HNF1B: variants seen among roughly 807,000 people sequenced by gnomAD.
The protein encoded by HNF1B is hepatocyte nuclear factor 1-beta.
HNF1B carries 8 observed loss-of-function variants against 61.7 expected under a neutral mutation model. The observed-to-expected ratio is 0.13, with a 90% CI of 0.08 to 0.23. HNF1B has a LOEUF of 0.23. Among genes scored for constraint, HNF1B ranks in the 10% least tolerant of loss-of-function variants. The probability of loss-of-function intolerance (pLI) is 1.00; values close to 1 mark genes in which losing one functional copy is unlikely to be tolerated. For synonymous variants in HNF1B, 314 were observed against 287.7 expected (o/e 1.09, Z -0.93); for missense variants, 562 against 714.5 (o/e 0.79, Z 2.43).
intron 2 of HNF1B, among the ~76,000 whole-genome samples, chr17:37,738,604 T>C (rs2033901959): frequency 6.6e-6 from 1 of 152,248 alleles, no homozygotes; most frequent in Non-Finnish European, 1.5e-5. Context: ...TGTCAAAGAA[T>C]ACTTTCCTAA....
In HNF1B at chr17:37,721,353, T is replaced by A. The variant is rs897572289; in HGVS notation, c.1045+10242A>T. Among the ~76,000 whole-genome samples the A allele has an allele frequency of 7.2e-5, 11 of 152,000 alleles. No homozygotes were observed. In the South Asian group the frequency reaches 8.3e-4, roughly 11 times the overall value. On this transcript the variant is annotated intron_variant, in intron 4 of 8. Transcript: ENST00000617811. ...GAGGGAGAGAAGGAGAGAGAGACAA[T>A]GATGAGTTTCACAATAAAATACCAC...
At chr17:37,719,569 C>T (rs1239431718) in intron 4 of HNF1B, among the ~76,000 whole-genome samples, 2 of 152,198 alleles carry the variant, frequency 1.3e-5, no homozygotes, top group Non-Finnish European at 2.9e-5. Context: ...GTCTGGCTCC[C>T]AGGGTCTGGT....
intron 8 of HNF1B, among the ~76,000 whole-genome samples, chr17:37,692,960 G>A (rs1827827693): frequency 6.6e-6 from 1 of 152,096 alleles, no homozygotes; most frequent in African/African-American, 2.4e-5. Flanking sequence ...GGAGGCAGAG[G>A]CGGGCAGATC....
chr17:37,718,831 A>G (rs1011168732), intron 4 of HNF1B, among the ~76,000 whole-genome samples: 2 of 152,244 alleles, frequency 1.3e-5, no homozygotes, highest in Non-Finnish European at 2.9e-5. Flanking sequence ...TGAATAACCT[A>G]TGCTTAAACT....
intron 2 of HNF1B, among the ~76,000 whole-genome samples, chr17:37,735,370 C>T (rs1202196666): frequency 3.3e-5 from 5 of 152,194 alleles, no homozygotes; most frequent in African/African-American, 7.2e-5. Flanking sequence ...TTTGCTCCAT[C>T]GGGAGGAATG....
At chr17:37,720,109 C>A (rs1435020535) in intron 4 of HNF1B, among the ~76,000 whole-genome samples, 2 of 152,174 alleles carry the variant, frequency 1.3e-5, no homozygotes, top group African/African-American at 4.8e-5. Context: ...CAGGGAGCAC[C>A]ACCAGAGACC....
At chr17:37,712,972 AAC>A (rs758771117) in intron 4 of HNF1B, among the ~76,000 whole-genome samples, 3 of 152,164 alleles carry the variant, frequency 2.0e-5, no homozygotes, top group Non-Finnish European at 4.4e-5. Flanking sequence ...TTCCGTAGAG[AAC>A]AGTTTCCAAA....
At chr17:37,714,698 A>G (rs2033046821) in intron 4 of HNF1B, among the ~76,000 whole-genome samples, 1 of 152,226 alleles carries the variant, frequency 6.6e-6, no homozygotes, top group African/African-American at 2.4e-5. Context: ...TCCTGGATAC[A>G]GACGCAGATC....
At chr17:37,709,060 G>A (rs2032846794) in intron 5 of HNF1B, among the ~76,000 whole-genome samples, 1 of 152,116 alleles carries the variant, frequency 6.6e-6, no homozygotes, top group Admixed American at 6.6e-5. Flanking sequence ...CAGCATGAAA[G>A]TCGGGAATCT....
chr17:37,711,578 G>A (rs2032936693), intron 4 of HNF1B, among the ~76,000 whole-genome samples: 1 of 152,224 alleles, frequency 6.6e-6, no homozygotes, highest in African/African-American at 2.4e-5. Flanking sequence ...GAACGCCTGG[G>A]TCCAGTTTGC....
chr17:37,741,092 A>G (rs78053507), intron 1 of HNF1B, among the ~76,000 whole-genome samples: 2,513 of 152,318 alleles, frequency 0.016, 45 homozygotes, highest in South Asian at 0.082. Context: ...TAGAACAAGA[A>G]AAAAAACGGA....
In HNF1B at chr17:37,744,961, C is replaced by T; in HGVS notation, c.-77G>A. On this transcript the variant is annotated 5_prime_UTR_variant, in exon 1 of 9. Coordinates refer to ENST00000617811, the MANE Select transcript of HNF1B (RefSeq NM_000458.4). ...GGAGGGTGGAGGGGAGTTTCACAAG[C>T]AAACCCCAAATCCAGGAACCCCTCC... The T allele has an allele frequency of 7.8e-7, 1 of 1,276,898 alleles. No homozygotes were observed. The highest frequency in any genetic ancestry group is 1.3e-5 in the South Asian group (1 of 76,620). 79.1% of individuals were successfully genotyped at this position (1,276,898 alleles called of 1,614,324 possible).
Position 37,744,752 on chromosome 17 carries a change from T to C in HNF1B, c.133A>G (p.Thr45Ala). 1 of 1,613,510 alleles carries C rather than the reference T, an allele frequency of 6.2e-7. No homozygotes were observed. Reference protein sequence around the residue: ...PSPNFGVKLETLPLSPGSGAE... With the variant: ...PSPNFGVKLEALPLSPGSGAE... The stretch of plus-strand genomic sequence containing the variant: ...CCGCTGCCAGGGGACAGGGGCAGCG[T>C]CTCCAGCTTCACCCCGAAGTTCGGG... Residue 45 changes from threonine (T) to alanine (A), a missense_variant, in exon 1 of 9, where the codon ACG becomes GCG. Thr to Ala is a moderately conservative substitution (Grantham distance 58). Around this residue, in one of 6 missense-constraint regions of HNF1B, gnomAD observed 148 missense variants for 147.3 expected, o/e 1.00. Coordinates refer to ENST00000617811, the MANE Select transcript of HNF1B (RefSeq NM_000458.4).
chr17:37,720,136 C>T (rs2033261805), intron 4 of HNF1B, among the ~76,000 whole-genome samples: 1 of 152,198 alleles, frequency 6.6e-6, no homozygotes, highest in South Asian at 2.1e-4. Flanking sequence ...CTGCCCAGAG[C>T]AGGGCAGTTT....
At position 37,704,851 on chromosome 17, in the gene HNF1B, A is replaced by G. The variant is rs564573444; in HGVS notation, c.1339+66T>C. 8.3e-4 allele frequency: 1,307 copies of G among 1,571,468 alleles called. 1 individual carries two copies. The highest frequency in any genetic ancestry group is 3.9e-3 in the African/African-American group (289 of 74,144). On this transcript the variant is annotated intron_variant, in intron 6 of 8. Coordinates refer to ENST00000617811, the MANE Select transcript of HNF1B (RefSeq NM_000458.4). ...AGGAGACCTACAGTTATTTTTCACCACATTAATTTGCTTCCCATTCTTCTT... is the reference window on the plus strand; with the variant it reads ...AGGAGACCTACAGTTATTTTTCACCGCATTAATTTGCTTCCCATTCTTCTT...
chr17:37,739,993 G>A (rs571691362), intron 1 of HNF1B, among the ~76,000 whole-genome samples: 3 of 151,942 alleles, frequency 2.0e-5, no homozygotes, highest in Non-Finnish European at 4.4e-5. Context: ...TTGATGTGGA[G>A]TTTTGCTCTT....
chr17:37,725,024 G>T (rs2033453154), intron 4 of HNF1B, among the ~76,000 whole-genome samples: 1 of 151,882 alleles, frequency 6.6e-6, no homozygotes, highest in Non-Finnish European at 1.5e-5. Context: ...AATAGGTAGA[G>T]GCATAAAGCC....
At chr17:37,725,780 C>A (rs1417441379) in intron 4 of HNF1B, among the ~76,000 whole-genome samples, 2 of 152,244 alleles carry the variant, frequency 1.3e-5, no homozygotes, top group Non-Finnish European at 2.9e-5. Context: ...ACCCCTCCCG[C>A]TGTCTGCTGC....
intron 4 of HNF1B, among the ~76,000 whole-genome samples, chr17:37,714,201 C>A (rs2033030233): frequency 6.6e-6 from 1 of 152,184 alleles, no homozygotes; most frequent in African/African-American, 2.4e-5. Context: ...TCATGCTGGG[C>A]ACATAACAGT....
Sources: allele counts gnomAD v4.1 joint callset (sites outside exome capture counted in the v4.1 genomes callset), GRCh38; gene constraint gnomAD v4.1.1; regional missense constraint gnomAD v4.1.1; transcripts MANE v1.5; gene names NCBI Gene and HGNC (gene_info 2026-07-23, HGNC 2026-07-21).